LCLAT1: variants seen among roughly 807,000 people sequenced by gnomAD.
LCLAT1 encodes the protein 1-AGP acyltransferase 8.
In LCLAT1, 11 loss-of-function variants were observed where a neutral mutation model predicts 30.7. That is an observed-to-expected ratio of 0.36 (90% CI 0.23 to 0.59). LCLAT1 has a LOEUF of 0.59. Ranked by LOEUF, LCLAT1 falls within the 20% of genes least tolerant of loss-of-function variation. The pLI is 0.77. For synonymous variants in LCLAT1, 155 were observed against 151.3 expected, an observed-to-expected ratio of 1.02 and a Z score of -0.18; for missense variants, 402 against 458.6, an observed-to-expected ratio of 0.88 and a Z score of 1.13.
At chr2:30,501,296 C>T (rs1446854302) in intron 1 of LCLAT1, among the ~76,000 whole-genome samples, 3 of 152,134 alleles carry the variant, frequency 2.0e-5, no homozygotes, top group Non-Finnish European at 4.4e-5. Context: ...AGACCAAACC[C>T]CCAGTGCTTT....
At chr2:30,578,644 A>AG (rs1666088154) in intron 5 of LCLAT1, among the ~76,000 whole-genome samples, 1 of 152,078 alleles carries the variant, frequency 6.6e-6, no homozygotes, top group Non-Finnish European at 1.5e-5. Flanking sequence ...GCACCTCTCA[A>AG]AGCTAAAAAA....
intron 1 of LCLAT1, among the ~76,000 whole-genome samples, chr2:30,480,351 C>T (rs756525449): frequency 6.6e-6 from 1 of 151,914 alleles, no homozygotes; most frequent in Non-Finnish European, 1.5e-5. Context: ...CCACCATGCT[C>T]GGCTAATTTT....
intron 1 of LCLAT1, among the ~76,000 whole-genome samples, chr2:30,475,926 T>G (rs1204050320): frequency 6.6e-6 from 1 of 152,240 alleles, no homozygotes; most frequent in Non-Finnish European, 1.5e-5. Context: ...CTATGAGTCT[T>G]ATTTTTGAAT....
chr2:30,581,008 C>T (rs1482531036), intron 5 of LCLAT1, among the ~76,000 whole-genome samples: 1 of 152,028 alleles, frequency 6.6e-6, no homozygotes, highest in African/African-American at 2.4e-5. Context: ...GCCCTGTGCT[C>T]TCTGTCAGAT....
chr2:30,521,489 C>CTTTTTTTTTT lies in LCLAT1; in HGVS notation c.-4-4096_-4-4095insTTTTTTTTTT, dbSNP rs1262784785. Among the ~76,000 whole-genome samples, 32 of 55,560 alleles carry CTTTTTTTTTT rather than the reference C, an allele frequency of 5.8e-4. 1 individual carries two copies. The highest frequency in any genetic ancestry group is 6.7e-4 in the Non-Finnish European group (21 of 31,270). The allele number at this position is 55,560 out of a possible 152,430, so 36.4% of individuals were successfully genotyped here. A position where few individuals can be genotyped will look rare whatever the true frequency, so the allele number is the denominator to read the frequency against. ...GTTTCCTCAACCCCCTAAACTACTT[C>CTTTTTTTTTT]TTCTTTTTTTTTTTTTTTTTTTTTT... On this transcript the variant is annotated intron_variant, in intron 1 of 5. Coordinates refer to ENST00000379509, the MANE Select transcript of LCLAT1 (RefSeq NM_001002257.3).
chr2:30,548,395 T>G (rs1482689997), intron 3 of LCLAT1, among the ~76,000 whole-genome samples: 1 of 152,116 alleles, frequency 6.6e-6, no homozygotes, highest in Non-Finnish European at 1.5e-5. Context: ...AAGAAATACA[T>G]TGGTTTGGTT....
intron 1 of LCLAT1, among the ~76,000 whole-genome samples, chr2:30,497,141 C>G (rs775754777): frequency 3.3e-5 from 5 of 152,250 alleles, no homozygotes; most frequent in Non-Finnish European, 5.9e-5. Flanking sequence ...TGTATACCCT[C>G]TAGACTCAGC....
intron 1 of LCLAT1, among the ~76,000 whole-genome samples, chr2:30,506,290 T>C (rs829656): frequency 0.096 from 14,596 of 152,160 alleles, 739 homozygotes; most frequent in East Asian, 0.14. Flanking sequence ...AAAGGTTTTT[T>C]CTTTTGATGA....
At chr2:30,555,803 A>T (rs1664887532) in intron 3 of LCLAT1, among the ~76,000 whole-genome samples, 1 of 151,544 alleles carries the variant, frequency 6.6e-6, no homozygotes, top group Non-Finnish European at 1.5e-5. Flanking sequence ...AAACTACTAC[A>T]ATAGGGGTCA....
At chr2:30,500,822 C>T (rs987482001) in intron 1 of LCLAT1, among the ~76,000 whole-genome samples, 4 of 152,080 alleles carry the variant, frequency 2.6e-5, no homozygotes, top group East Asian at 1.9e-4. Flanking sequence ...TTTGAATAAA[C>T]GTAGAAATTG....
chr2:30,625,044 C>G (rs769173605), intron 5 of LCLAT1, among the ~76,000 whole-genome samples: 4 of 152,082 alleles, frequency 2.6e-5, no homozygotes, highest in African/African-American at 4.8e-5. Flanking sequence ...ATTATTTGAA[C>G]TGAATGATAA....
At chr2:30,520,492 G>A (rs1274330947) in intron 1 of LCLAT1, among the ~76,000 whole-genome samples, 1 of 152,108 alleles carries the variant, frequency 6.6e-6, no homozygotes, top group East Asian at 1.9e-4. Flanking sequence ...CAAGTTACCT[G>A]GCTTAAAGTT....
At chr2:30,486,288 T>C (rs1572511362) in intron 1 of LCLAT1, among the ~76,000 whole-genome samples, 1 of 152,252 alleles carries the variant, frequency 6.6e-6, no homozygotes, top group Admixed American at 6.5e-5. Flanking sequence ...TTTTATATTA[T>C]GTTATCACAT....
intron 2 of LCLAT1, among the ~76,000 whole-genome samples, chr2:30,530,495 C>T (rs1685930306): frequency 6.6e-6 from 1 of 152,258 alleles, no homozygotes; most frequent in East Asian, 1.9e-4. Context: ...TGCTGGATGT[C>T]AAGGGAGAGG....
At chr2:30,571,001 G>A (rs1345875854) in intron 5 of LCLAT1, among the ~76,000 whole-genome samples, 1 of 152,132 alleles carries the variant, frequency 6.6e-6, no homozygotes, top group Non-Finnish European at 1.5e-5. Flanking sequence ...ACTCACAAAG[G>A]GGCCCAGCCT....
At chr2:30,447,705 A>T (rs753540740) in intron 1 of LCLAT1, among the ~76,000 whole-genome samples, 39 of 152,306 alleles carry the variant, frequency 2.6e-4, no homozygotes, top group Non-Finnish European at 4.1e-4. Context: ...GTCGGTGTTT[A>T]CGCTAGGAGC....
chr2:30,605,854 G>A (rs1667413539), intron 5 of LCLAT1, among the ~76,000 whole-genome samples: 1 of 152,022 alleles, frequency 6.6e-6, no homozygotes, highest in African/African-American at 2.4e-5. Flanking sequence ...GGAGGGAGTG[G>A]GGGGATGGTT....
At chr2:30,521,476 C>G (rs970200194) in intron 1 of LCLAT1, among the ~76,000 whole-genome samples, 12 of 141,122 alleles carry the variant, frequency 8.5e-5, no homozygotes, top group African/African-American at 2.4e-4. Context: ...TTCCTCAACC[C>G]CCTAAACTAC....
chr2:30,568,864 CAAAAAAAAAA>C lies in LCLAT1; in HGVS notation c.628+699_628+708del, dbSNP rs61325694. Among the ~76,000 whole-genome samples the C allele has an allele frequency of 1.0e-3, 90 of 89,118 alleles. 2 individuals carry two copies. In the East Asian group the frequency reaches 0.021, roughly 21 times the overall value. 58.5% of individuals were successfully genotyped at this position (89,118 alleles called of 152,430 possible). A position where few individuals can be genotyped will look rare whatever the true frequency, so the allele number is the denominator to read the frequency against. On this transcript the variant is annotated intron_variant, in intron 5 of 5. Transcript: ENST00000379509. The stretch of plus-strand genomic sequence containing the variant: ...CCATTTCTCTAGTAATCATGAATAG[CAAAAAAAAAA>C]AAAAAAAAAAGAGAAAAAAAATCTT...
Sources: gnomAD v4.1 joint callset for allele counts (sites outside exome capture counted in the v4.1 genomes callset) on GRCh38, gnomAD v4.1.1 for gene constraint, MANE v1.5 for transcripts, NCBI Gene and HGNC (gene_info 2026-07-23, HGNC 2026-07-21) for gene names.